PIKFYVE: variants seen among roughly 807,000 people sequenced by gnomAD.
PIKFYVE encodes 1-phosphatidylinositol 3-phosphate 5-kinase.
PIKFYVE carries 122 observed loss-of-function variants against 257.9 expected under a neutral mutation model. The observed-to-expected ratio is 0.47, with a 90% CI of 0.41 to 0.55. The LOEUF (loss-of-function observed/expected upper bound fraction) is 0.55, where lower values mean the gene tolerates loss of function less well. Ranked by LOEUF, PIKFYVE falls within the 20% of genes least tolerant of loss-of-function variation. The pLI, the probability that PIKFYVE is intolerant of heterozygous loss-of-function variation, is 0.00. For synonymous variants in PIKFYVE, 892 were observed against 868.9 expected (o/e 1.03, Z -0.47); for missense variants, 2,160 against 2,536.6 (o/e 0.85, Z 3.19).
At chr2:208,341,823 T>TG (rs771242750) in intron 31 of PIKFYVE, among the ~76,000 whole-genome samples, 41 of 152,244 alleles carry the variant, frequency 2.7e-4, no homozygotes, top group Middle Eastern at 6.8e-3. Flanking sequence ...ATGAATTTTG[T>TG]GGGAGCTGGG....
intron 41 of PIKFYVE, 148 bp from the exon 42 acceptor site, chr2:208,355,042 C>A: frequency 1.4e-6 from 1 of 710,992 alleles, no homozygotes; most frequent in South Asian, 1.6e-5. Context: ...TGGCATGTGG[C>A]ACAACAGATA....
At chr2:208,318,054 C>A in intron 16 of PIKFYVE, 113 bp downstream of exon 16, 1 of 1,101,172 alleles carries the variant, frequency 9.1e-7, no homozygotes, top group Non-Finnish European at 1.4e-6. Flanking sequence ...TGAAAGGCAG[C>A]TGTGTCTGCC....
In PIKFYVE at chr2:208,351,465, T is replaced by G. The variant is rs1699766697; in HGVS notation, c.5715+10T>G. The G allele has an allele frequency of 6.3e-7, 1 of 1,587,890 alleles. No homozygotes were observed. The highest frequency in any genetic ancestry group is 2.2e-5 in the East Asian group (1 of 44,732). On this transcript the variant is annotated intron_variant, in intron 38 of 41. Coordinates refer to ENST00000264380, the MANE Select transcript of PIKFYVE (RefSeq NM_015040.4). Reference sequence around the variant, plus strand: ...TGCTGTTCAACAAAAGGTAGAAATCTAAAACCATGGTCTGTAATCAAAGTT... The same window carrying G: ...TGCTGTTCAACAAAAGGTAGAAATCGAAAACCATGGTCTGTAATCAAAGTT...
chr2:208,339,512 A>G lies in PIKFYVE; in HGVS notation c.4767A>G (p.Ser1589=), dbSNP rs760508368. ...PTPPEVMSEQ[S]VGGPPELDTA... ...CACCTGAAGTCATGTCTGAACAGTC[A>G]GTGGGAGGGCCCCCTGAGCTAGATA... The change falls in exon 30 of 42, where the codon TCA becomes TCG. Residue 1589 remains serine (S), a synonymous_variant. Transcript: ENST00000264380. 16 of 1,614,188 alleles carry G rather than the reference A, an allele frequency of 9.9e-6. No homozygotes were observed. The Admixed American group carries it at 1.2e-4, about 12-fold the overall frequency.
intron 37 of PIKFYVE, 69 bp from the exon 38 acceptor site, chr2:208,351,283 T>G: frequency 8.4e-7 from 1 of 1,189,428 alleles, no homozygotes; most frequent in Non-Finnish European, 1.3e-6. Flanking sequence ...TTAGGATCTT[T>G]GGAATGATGT....
chr2:208,302,599 A>C (rs1410028529), intron 10 of PIKFYVE: 1 of 460,698 alleles, frequency 2.2e-6, no homozygotes, highest in Non-Finnish European at 4.0e-6. Context: ...AAGATAATCA[A>C]ACACTTTTTT....
rs1338949273 is a variant in PIKFYVE, at chr2:208,350,803, C to T, written c.5467C>T (p.Arg1823Trp). Residue 1823 changes from arginine (R) to tryptophan (W), a missense_variant, in exon 37 of 42, where the codon CGG (arginine) becomes TGG (tryptophan). Physicochemically the swap from Arg to Trp is moderately radical, Grantham distance 101. Coordinates refer to ENST00000264380, the MANE Select transcript of PIKFYVE (RefSeq NM_015040.4). Reference protein sequence around the residue: ...FSDANAKFYCRLYYAGEFHKM... With the variant: ...FSDANAKFYCWLYYAGEFHKM... Reference sequence around the variant, plus strand: ...AGATGCTAATGCCAAGTTTTACTGTCGGCTCTACTATGCGGGAGAGTTTCA... The same window carrying T: ...AGATGCTAATGCCAAGTTTTACTGTTGGCTCTACTATGCGGGAGAGTTTCA... The T allele has an allele frequency of 2.5e-6, 4 of 1,614,134 alleles. No individual in the cohort carries two copies. Among genetic ancestry groups the T allele is most frequent in the African/African-American group, 1.3e-5 (1 of 75,014 alleles).
intron 34 of PIKFYVE, among the ~76,000 whole-genome samples, chr2:208,346,861 GT>G (rs1291741098): frequency 6.6e-6 from 1 of 152,202 alleles, no homozygotes; most frequent in Non-Finnish European, 1.5e-5. Flanking sequence ...GGTTAAAAGT[GT>G]TTCATTTTTG....
intron 32 of PIKFYVE, among the ~76,000 whole-genome samples, chr2:208,344,437 C>A (rs1257958297): frequency 6.6e-6 from 1 of 152,010 alleles, no homozygotes; most frequent in African/African-American, 2.4e-5. Flanking sequence ...TTGCCTTTGG[C>A]CTTTGTGAAC....
intron 41 of PIKFYVE, 47 bp downstream of exon 41, chr2:208,354,692 A>G (rs1700050377): frequency 3.3e-6 from 5 of 1,494,176 alleles, no homozygotes; most frequent in Non-Finnish European, 4.7e-6. Context: ...ATTTCTTATC[A>G]GTTAAAATTT....
Position 208,355,525 on chromosome 2 carries a change from G to A in PIKFYVE, c.*220G>A. ...TGGAGCTGTCTGTAGGTTGGGAAGT[G>A]GCATGAAAATTTTCTTAAGCTAAAA... is the stretch of plus-strand genomic sequence containing the variant. On this transcript the variant is annotated 3_prime_UTR_variant, in exon 42 of 42. Transcript: ENST00000264380. 2.1e-6 allele frequency: 1 copy of A among 470,430 alleles called. No individual in the cohort carries two copies. The highest frequency in any genetic ancestry group is 3.7e-5 in the Admixed American group (1 of 26,718). 29.1% of individuals were successfully genotyped at this position (470,430 alleles called of 1,614,324 possible).
chr2:208,308,759 G>A (rs1694639544), intron 12 of PIKFYVE, among the ~76,000 whole-genome samples: 1 of 150,208 alleles, frequency 6.7e-6, no homozygotes, highest in Non-Finnish European at 1.5e-5. Flanking sequence ...CCAGGCTGGA[G>A]TGCAATGGCC....
At position 208,356,207 on chromosome 2, in the gene PIKFYVE, G is replaced by A. The variant is rs1013793379; in HGVS notation, c.*902G>A. On this transcript the variant is annotated 3_prime_UTR_variant, in exon 42 of 42. Transcript: ENST00000264380. ...AATTAGGCCCAATCCAAGAAATTGA[G>A]TGAGAAGGAAACACTTGTTTTATTC... 6.6e-6 allele frequency: 1 copy of A among 152,328 alleles called. No homozygotes were observed. Among genetic ancestry groups the A allele is most frequent in the South Asian group, 2.1e-4 (1 of 4,830 alleles). The allele number at this position is 152,328 out of a possible 1,614,324, so 9.4% of individuals were successfully genotyped here.
intron 13 of PIKFYVE, 29 bp from the exon 14 acceptor site, chr2:208,314,265 A>G (rs1695232481): frequency 1.2e-6 from 2 of 1,602,164 alleles, no homozygotes; most frequent in African/African-American, 2.7e-5. Flanking sequence ...ACAATGAAGT[A>G]ATAACTTCTT....
At chr2:208,324,319 AT>A in intron 18 of PIKFYVE, 37 bp downstream of exon 18, 1 of 1,602,450 alleles carries the variant, frequency 6.2e-7, no homozygotes, top group Non-Finnish European at 8.5e-7. Context: ...TTTTAAAAAA[AT>A]CACAGCTTTT....
At chr2:208,275,374 A>G (rs1689970320) in intron 3 of PIKFYVE, among the ~76,000 whole-genome samples, 1 of 152,214 alleles carries the variant, frequency 6.6e-6, no homozygotes, top group Non-Finnish European at 1.5e-5. Context: ...CTAATTGGCT[A>G]AATGCCAGGG....
At chr2:208,292,560 C>G (rs1050954899) in intron 7 of PIKFYVE, among the ~76,000 whole-genome samples, 1 of 151,968 alleles carries the variant, frequency 6.6e-6, no homozygotes, top group African/African-American at 2.4e-5. Flanking sequence ...CCCTTTTTAT[C>G]TTTGATTGCT....
Position 208,271,585 on chromosome 2 carries a change from T to A in PIKFYVE, c.66T>A (p.Thr22=). 7.4e-6 allele frequency: 12 copies of A among 1,614,116 alleles called. No individual in the cohort carries two copies. Among genetic ancestry groups the A allele is most frequent in the Non-Finnish European group, 1.0e-5 (12 of 1,179,934 alleles). The change falls in exon 2 of 42, where the codon ACT becomes ACA. Residue 22 remains threonine, a synonymous_variant. Coordinates refer to ENST00000264380, the MANE Select transcript of PIKFYVE (RefSeq NM_015040.4). ...DSANDLPRSP[T]SPSHLTHFKP... ...CTAATGATTTGCCTCGATCTCCTACTAGTCCTTCTCATCTCACACACTTTA... is the reference window on the plus strand; with the variant it reads ...CTAATGATTTGCCTCGATCTCCTACAAGTCCTTCTCATCTCACACACTTTA...
intron 12 of PIKFYVE, among the ~76,000 whole-genome samples, chr2:208,311,205 A>T (rs1694899989): frequency 6.6e-6 from 1 of 152,168 alleles, no homozygotes; most frequent in Admixed American, 6.5e-5. Context: ...AAGGCTGGTA[A>T]AGAACAATAC....
Sources: allele counts gnomAD v4.1 joint callset (sites outside exome capture counted in the v4.1 genomes callset), GRCh38; gene constraint gnomAD v4.1.1; transcripts MANE v1.5; gene names NCBI Gene and HGNC (gene_info 2026-07-23, HGNC 2026-07-21).